PRKG1: variants seen among roughly 807,000 people sequenced by gnomAD.
PRKG1 encodes the protein protein kinase cGMP-dependent 1.
In PRKG1, 35 loss-of-function variants were observed where a neutral mutation model predicts 88.1. The ratio of observed to expected loss-of-function variants is 0.40; its 90% CI spans 0.30 to 0.53. PRKG1 has a LOEUF of 0.53. Among genes scored for constraint, PRKG1 ranks in the 20% least tolerant of loss-of-function variants. PRKG1 has a pLI of 0.59. For synonymous variants in PRKG1, 303 were observed against 292.5 expected (o/e 1.04, Z -0.37); for missense variants, 540 against 839.8 (o/e 0.64, Z 4.41).
intron 2 of PRKG1, among the ~76,000 whole-genome samples, chr10:51,157,056 T>C (rs1846232311): frequency 6.6e-6 from 1 of 151,922 alleles, no homozygotes; most frequent in South Asian, 2.1e-4. Flanking sequence ...TTACATATTT[T>C]TTTTTGTTTG....
intron 2 of PRKG1, among the ~76,000 whole-genome samples, chr10:51,203,903 T>A (rs1210470967): frequency 6.6e-6 from 1 of 152,222 alleles, no homozygotes; most frequent in Non-Finnish European, 1.5e-5. Context: ...AACTCTTCAT[T>A]AAAGTCTCTC....
chr10:51,297,396 C>G (rs866827267), intron 2 of PRKG1, among the ~76,000 whole-genome samples: 13 of 152,178 alleles, frequency 8.5e-5, no homozygotes, highest in African/African-American at 2.9e-4. Flanking sequence ...TGCTAAGTCG[C>G]CATCTGTTAC....
At chr10:52,172,082 G>A (rs1838710603) in intron 9 of PRKG1, among the ~76,000 whole-genome samples, 1 of 152,204 alleles carries the variant, frequency 6.6e-6, no homozygotes, top group East Asian at 1.9e-4. Flanking sequence ...GATTACAGGC[G>A]TGAGCCACCG....
At chr10:51,219,936 C>T (rs1414097515) in intron 2 of PRKG1, among the ~76,000 whole-genome samples, 1 of 152,016 alleles carries the variant, frequency 6.6e-6, no homozygotes, top group Non-Finnish European at 1.5e-5. Flanking sequence ...TGATCTCGCT[C>T]CCCTGATTGT....
intron 4 of PRKG1, among the ~76,000 whole-genome samples, chr10:51,850,207 G>A (rs1348714198): frequency 6.6e-6 from 1 of 152,048 alleles, no homozygotes; most frequent in African/African-American, 2.4e-5. Context: ...ATGAAGTTTT[G>A]CTCTTGTCAC....
At chr10:51,975,501 A>C (rs371529964) in intron 5 of PRKG1, among the ~76,000 whole-genome samples, 2 of 152,156 alleles carry the variant, frequency 1.3e-5, no homozygotes, top group South Asian at 4.1e-4. Context: ...CCACACATAC[A>C]TACCTTATCT....
Position 51,558,458 on chromosome 10 carries a change from T to A in PRKG1, c.592+90622T>A, listed in dbSNP as rs578218663. Among the ~76,000 whole-genome samples, 6 of 152,182 alleles carry A rather than the reference T, an allele frequency of 3.9e-5. No individual in the cohort carries two copies. In the East Asian group the frequency reaches 1.2e-3, roughly 29 times the overall value. ...TCCTATTTCCATAAGTTGCATTATA[T>A]CTACACTATTCCCAGGATGGCCCCA... is the stretch of plus-strand genomic sequence containing the variant. On this transcript the variant is annotated intron_variant, in intron 3 of 17. Transcript: ENST00000373980.
intron 5 of PRKG1, among the ~76,000 whole-genome samples, chr10:52,032,635 G>A (rs1009114104): frequency 1.3e-5 from 2 of 152,034 alleles, no homozygotes; most frequent in Non-Finnish European, 2.9e-5. Context: ...TTAATCATTT[G>A]TATTTTTTTA....
intron 2 of PRKG1, chr10:51,320,392 G>A: frequency 6.3e-6 from 1 of 159,484 alleles, no homozygotes; most frequent in Non-Finnish European, 1.4e-5. Context: ...CAACATTCAG[G>A]GCAACTGCCT....
intron 7 of PRKG1, among the ~76,000 whole-genome samples, chr10:52,107,967 A>G (rs1039580482): frequency 2.6e-5 from 4 of 152,244 alleles, no homozygotes; most frequent in African/African-American, 9.6e-5. Flanking sequence ...TTGATACAAT[A>G]TGGCATGTTT....
At chr10:52,056,946 A>G (rs970585630) in intron 6 of PRKG1, among the ~76,000 whole-genome samples, 1 of 152,236 alleles carries the variant, frequency 6.6e-6, no homozygotes, top group East Asian at 1.9e-4. Flanking sequence ...GTGAATAATA[A>G]GAGAGTAGGC....
chr10:51,346,012 G>A (rs950409501), intron 2 of PRKG1, among the ~76,000 whole-genome samples: 1 of 152,118 alleles, frequency 6.6e-6, no homozygotes, highest in Admixed American at 6.5e-5. Flanking sequence ...AACATACCTG[G>A]TTCTATGGAA....
chr10:51,190,719 G>T (rs554827962), intron 2 of PRKG1, among the ~76,000 whole-genome samples: 2 of 151,900 alleles, frequency 1.3e-5, no homozygotes, highest in South Asian at 2.1e-4. Flanking sequence ...TTTTTATTCT[G>T]TGGAATCACA....
chr10:52,093,915 G>T (rs754671460), intron 7 of PRKG1, among the ~76,000 whole-genome samples: 1 of 152,088 alleles, frequency 6.6e-6, no homozygotes, highest in Non-Finnish European at 1.5e-5. Context: ...TGCACACAGC[G>T]GAGGAGCTTA....
chr10:51,492,617 AT>A (rs1402718838), intron 3 of PRKG1, among the ~76,000 whole-genome samples: 2 of 152,242 alleles, frequency 1.3e-5, no homozygotes, highest in African/African-American at 4.8e-5. Flanking sequence ...GTAAATTTCT[AT>A]TTGTTTTGAC....
At chr10:52,143,651 G>A (rs1246511374) in intron 8 of PRKG1, among the ~76,000 whole-genome samples, 2 of 152,130 alleles carry the variant, frequency 1.3e-5, no homozygotes, top group Non-Finnish European at 2.9e-5. Flanking sequence ...GCTGCTGGCT[G>A]CCATGTACTG....
At chr10:51,191,644 C>T (rs1483499488) in intron 2 of PRKG1, among the ~76,000 whole-genome samples, 1 of 151,706 alleles carries the variant, frequency 6.6e-6, no homozygotes, top group Non-Finnish European at 1.5e-5. Flanking sequence ...CTTATTTAAT[C>T]CTCATACCAA....
intron 3 of PRKG1, among the ~76,000 whole-genome samples, chr10:51,772,621 A>C (rs894564749): frequency 6.6e-6 from 1 of 150,938 alleles, no homozygotes; most frequent in Non-Finnish European, 1.5e-5. Flanking sequence ...TTTTTGTCTG[A>C]GTTTTCTGTT....
intron 2 of PRKG1, among the ~76,000 whole-genome samples, chr10:51,192,865 C>A (rs1837665416): frequency 1.3e-5 from 2 of 151,958 alleles, no homozygotes; most frequent in Admixed American, 1.3e-4. Context: ...GTCATTCATT[C>A]ATTCACTCAC....
Sources: allele counts gnomAD v4.1 joint callset (sites outside exome capture counted in the v4.1 genomes callset), GRCh38; gene constraint gnomAD v4.1.1; transcripts MANE v1.5; gene names NCBI Gene and HGNC (gene_info 2026-07-23, HGNC 2026-07-21).